The following ABCB9 variants were observed in gnomAD, a reference collection of about 807,000 sequenced individuals.
ABCB9 encodes the protein ATP binding cassette subfamily B member 9.
Under a neutral mutation model 62.0 loss-of-function variants are expected in ABCB9, and 36 were observed. The observed-to-expected ratio is 0.58, with a 90% CI of 0.45 to 0.77. The LOEUF is 0.77. Among genes scored for constraint, ABCB9 ranks in the 30% least tolerant of loss-of-function variants. The pLI is 0.00. For synonymous variants in ABCB9, 435 were observed against 461.4 expected (o/e 0.94, Z 0.73); for missense variants, 943 against 1,054.7 (o/e 0.89, Z 1.47).
chr12:122,949,558 G>A (rs936775008), intron 4 of ABCB9, among the ~76,000 whole-genome samples: 1 of 152,226 alleles, frequency 6.6e-6, no homozygotes, highest in Non-Finnish European at 1.5e-5. Context: ...GGGACCTCGG[G>A]TGGCCTGGCC....
chr12:122,968,636 CTTTTTTTT>C (rs541028634), upstream of ABCB9, among the ~76,000 whole-genome samples: 2 of 88,830 alleles, frequency 2.3e-5, no homozygotes, highest in African/African-American at 7.8e-5. Flanking sequence ...TCCTCTGTAC[CTTTTTTTT>C]TTTTTTTTTT....
chr12:122,933,229 T>C (rs2035283724), intron 10 of ABCB9, among the ~76,000 whole-genome samples: 1 of 152,150 alleles, frequency 6.6e-6, no homozygotes, highest in African/African-American at 2.4e-5. Context: ...TTTCTTTCAT[T>C]GAGATGAAAC....
intron 2 of ABCB9, among the ~76,000 whole-genome samples, chr12:122,957,775 G>A (rs1000580894): frequency 2.1e-5 from 3 of 145,366 alleles, no homozygotes; most frequent in African/African-American, 7.7e-5. Flanking sequence ...CACCATGCCT[G>A]CCCACTCTGA....
upstream of ABCB9, among the ~76,000 whole-genome samples, chr12:122,967,434 G>T (rs1158848667): frequency 6.6e-6 from 1 of 152,176 alleles, no homozygotes; most frequent in African/African-American, 2.4e-5. Context: ...GTGGGGGAGT[G>T]GACTTACGGC....
chr12:122,941,252 C>T (rs548307361), intron 7 of ABCB9, among the ~76,000 whole-genome samples: 7 of 151,946 alleles, frequency 4.6e-5, no homozygotes, highest in East Asian at 1.9e-4. Flanking sequence ...GCGAAGGAAC[C>T]GGCAGGGGTG....
intron 9 of ABCB9, among the ~76,000 whole-genome samples, chr12:122,937,139 C>T (rs948221081): frequency 1.3e-5 from 2 of 151,894 alleles, no homozygotes; most frequent in African/African-American, 4.8e-5. Context: ...GGGTGGATCA[C>T]TTGAGGTCAG....
At chr12:122,952,641 C>G (rs1320011249) in intron 2 of ABCB9, 1 of 152,232 alleles carries the variant, frequency 6.6e-6, no homozygotes, top group African/African-American at 2.4e-5. Flanking sequence ...CAACGATGAG[C>G]TGTGACAGAA....
downstream of ABCB9, chr12:122,924,873 CT>C (rs1357869799): frequency 2.0e-6 from 3 of 1,513,916 alleles, no homozygotes; most frequent in East Asian, 7.4e-5. Flanking sequence ...AAAAAGTCAG[CT>C]TTAAAAGTCA....
intron 1 of ABCB9, among the ~76,000 whole-genome samples, chr12:122,965,503 TGA>T (rs1252666248): frequency 6.6e-6 from 1 of 152,188 alleles, no homozygotes; most frequent in Non-Finnish European, 1.5e-5. Context: ...TCATCCCTGC[TGA>T]GCCTCTGGCA....
At chr12:122,934,881 C>T (rs924789995) in intron 10 of ABCB9, among the ~76,000 whole-genome samples, 8 of 151,934 alleles carry the variant, frequency 5.3e-5, no homozygotes, top group Non-Finnish European at 8.8e-5. Context: ...CACTCAGCAT[C>T]CTATCTCAGT....
At chr12:122,923,452 A>G (rs2034804426) in intron 11 of ABCB9, among the ~76,000 whole-genome samples, 1 of 151,922 alleles carries the variant, frequency 6.6e-6, no homozygotes, top group Non-Finnish European at 1.5e-5. Context: ...ACGCCCGGCT[A>G]ATTTTTTTTT....
intron 9 of ABCB9, chr12:122,939,824 A>C: frequency 3.2e-6 from 1 of 309,092 alleles, no homozygotes; most frequent in Non-Finnish European, 5.9e-6. Context: ...GGGCCATCAC[A>C]TCTGCCCTTT....
intron 9 of ABCB9, among the ~76,000 whole-genome samples, chr12:122,937,531 A>G (rs2035523637): frequency 6.6e-6 from 1 of 152,220 alleles, no homozygotes; most frequent in African/African-American, 2.4e-5. Flanking sequence ...GCAAAAATTC[A>G]GGACTGACAA....
chr12:122,938,166 G>C (rs2035556168), intron 9 of ABCB9, among the ~76,000 whole-genome samples: 1 of 152,176 alleles, frequency 6.6e-6, no homozygotes, highest in South Asian at 2.1e-4. Flanking sequence ...ATGTACAACA[G>C]AAAACATAGA....
chr12:122,945,546 C>A (rs1410590981), intron 6 of ABCB9, among the ~76,000 whole-genome samples: 1 of 152,148 alleles, frequency 6.6e-6, no homozygotes, highest in Non-Finnish European at 1.5e-5. Context: ...CCTGCCACCC[C>A]ACGTCAGGTG....
chr12:122,930,103 G>A lies in ABCB9; in HGVS notation c.2109C>T (p.Thr703=), dbSNP rs556899913. ...TVLIIAHRLS[T]VEHAHLIVVL... ...CCACAATGAGGTGCGCGTGCTCCAC[G>A]GTGCTCAGCCGGTGCGCGATGATGA... The change falls in exon 12 of 12, where the codon ACC becomes ACT. Residue 703 remains threonine, a synonymous_variant. Transcript: ENST00000280560. This position sits in a 1 kb window ranked among gnomAD's most constrained non-coding sequence, Gnocchi z 4.9. 1.5e-5 allele frequency: 24 copies of A among 1,557,570 alleles called. No homozygotes were observed. In the Middle Eastern group the frequency reaches 5.0e-4, roughly 33 times the overall value.
chr12:122,953,575 A>G (rs1763511568), intron 2 of ABCB9, among the ~76,000 whole-genome samples: 1 of 152,126 alleles, frequency 6.6e-6, no homozygotes, highest in Non-Finnish European at 1.5e-5. Flanking sequence ...TTTAGTAGAG[A>G]TGGGGTTTCA....
At chr12:122,931,705 A>C (rs2035176854) in intron 11 of ABCB9, 1 of 168,902 alleles carries the variant, frequency 5.9e-6, no homozygotes, top group African/African-American at 2.4e-5. Flanking sequence ...GTGCAGTGGC[A>C]CAATCTCGGC....
chr12:122,938,006 T>C (rs1291062419), intron 9 of ABCB9, among the ~76,000 whole-genome samples: 1 of 152,206 alleles, frequency 6.6e-6, no homozygotes, highest in African/African-American at 2.4e-5. Flanking sequence ...GAAACTCTCC[T>C]TCACTGCTAG....
Sources: allele counts gnomAD v4.1 joint callset (sites outside exome capture counted in the v4.1 genomes callset), GRCh38; gene constraint gnomAD v4.1.1; non-coding constraint Gnocchi (gnomAD v3.1); transcripts MANE v1.5; gene names NCBI Gene and HGNC (gene_info 2026-07-23, HGNC 2026-07-21).